The following CTNND2 variants were observed in gnomAD, a reference collection of about 807,000 sequenced individuals.
CTNND2 encodes catenin delta 2, also known as catenin delta-2.
Under a neutral mutation model 144.4 loss-of-function variants are expected in CTNND2, and 22 were observed. The ratio of observed to expected loss-of-function variants is 0.15; its 90% CI spans 0.11 to 0.22. The LOEUF (loss-of-function observed/expected upper bound fraction) is 0.22, where lower values mean the gene tolerates loss of function less well. CTNND2 is among the 10% of genes least tolerant of loss of function. The pLI is 1.00. For missense variants in CTNND2, 1,353 were observed against 1,618.8 expected (o/e 0.84, Z 2.82); for synonymous variants, 751 against 695.6 (o/e 1.08, Z -1.25).
intron 1 of CTNND2, among the ~76,000 whole-genome samples, chr5:11,900,418 TC>T (rs1260370134): frequency 1.3e-5 from 2 of 152,228 alleles, no homozygotes; most frequent in African/African-American, 4.8e-5. Context: ...TTCTGTGAGT[TC>T]CCTGTGTTGG....
chr5:11,737,657 C>CAT (rs2126755945), intron 1 of CTNND2, among the ~76,000 whole-genome samples: 1 of 152,292 alleles, frequency 6.6e-6, no homozygotes. Context: ...TCCCCAAATT[C>CAT]ATATGCTGAA....
intron 9 of CTNND2, among the ~76,000 whole-genome samples, chr5:11,282,679 CAATT>C (rs1273900156): frequency 6.6e-6 from 1 of 152,144 alleles, no homozygotes; most frequent in Non-Finnish European, 1.5e-5. Flanking sequence ...TTTTTTGAAT[CAATT>C]AATTCTGATA....
At chr5:11,576,084 G>C (rs1307030784) in intron 2 of CTNND2, among the ~76,000 whole-genome samples, 3 of 152,182 alleles carry the variant, frequency 2.0e-5, no homozygotes, top group Middle Eastern at 6.8e-3. Flanking sequence ...TCTAGACTCT[G>C]TCCTCTCCAG....
At chr5:11,674,224 T>C (rs1279771647) in intron 2 of CTNND2, among the ~76,000 whole-genome samples, 6 of 152,316 alleles carry the variant, frequency 3.9e-5, no homozygotes, top group Middle Eastern at 3.4e-3. Flanking sequence ...AAATAATCCA[T>C]TGGCTTTCAA....
At chr5:11,687,222 T>C (rs1279212402) in intron 2 of CTNND2, among the ~76,000 whole-genome samples, 2 of 152,244 alleles carry the variant, frequency 1.3e-5, no homozygotes, top group African/African-American at 4.8e-5. Context: ...GGTCTGATCA[T>C]GTCATACAAT....
chr5:11,008,123 A>G (rs1421679493), intron 18 of CTNND2, among the ~76,000 whole-genome samples: 2 of 152,174 alleles, frequency 1.3e-5, no homozygotes, highest in East Asian at 3.8e-4. Flanking sequence ...CAGGCGTTAT[A>G]TCAGACTTTG....
chr5:11,076,970 T>C (rs943141430), intron 16 of CTNND2, among the ~76,000 whole-genome samples: 11 of 152,204 alleles, frequency 7.2e-5, no homozygotes, highest in African/African-American at 2.7e-4. Context: ...CTAGTAAATT[T>C]ATAGAGAAAA....
chr5:11,160,447 G>A (rs1385725309), intron 11 of CTNND2, among the ~76,000 whole-genome samples: 1 of 152,198 alleles, frequency 6.6e-6, no homozygotes, highest in Non-Finnish European at 1.5e-5. Flanking sequence ...GCAGAGCAAT[G>A]CAAAATGTTA....
chr5:11,029,301 AG>A (rs1239925722), intron 16 of CTNND2, among the ~76,000 whole-genome samples: 1 of 152,198 alleles, frequency 6.6e-6, no homozygotes, highest in East Asian at 1.9e-4. Flanking sequence ...ACTCATAAAA[AG>A]GGTCTTATTT....
rs569790602 is a variant in CTNND2, at chr5:11,272,092, C to T, written c.1629-35269G>A. On this transcript the variant is annotated intron_variant, in intron 9 of 21. Coordinates refer to ENST00000304623, the MANE Select transcript of CTNND2 (RefSeq NM_001332.4). ...TCCATGTTTCTAAAAAAATACAGTC[C>T]ATTATTTCTTAAAATACCAATTCCT... 8.6e-5 allele frequency among the ~76,000 whole-genome samples: 13 copies of T among 152,020 alleles called. No homozygotes were observed. The South Asian group carries it at 2.5e-3, about 29-fold the overall frequency.
chr5:11,204,863 G>A (rs1000242223), intron 10 of CTNND2, among the ~76,000 whole-genome samples: 8 of 152,244 alleles, frequency 5.3e-5, no homozygotes, highest in Non-Finnish European at 8.8e-5. Flanking sequence ...GTGAGACCCC[G>A]AGGGCGTGGC....
At chr5:11,454,230 G>C (rs1053913697) in intron 3 of CTNND2, among the ~76,000 whole-genome samples, 1 of 152,086 alleles carries the variant, frequency 6.6e-6, no homozygotes, top group African/African-American at 2.4e-5. Flanking sequence ...GACCATCCTG[G>C]CCAACATGGT....
At chr5:11,466,322 A>G (rs1022313919) in intron 3 of CTNND2, among the ~76,000 whole-genome samples, 1 of 152,316 alleles carries the variant, frequency 6.6e-6, no homozygotes, top group Admixed American at 6.5e-5. Flanking sequence ...CATTCACCTA[A>G]AAGGTAGCTC....
rs1335206872 is a variant in CTNND2, at chr5:11,403,870, GC to G, written c.440-6668del. Among the ~76,000 whole-genome samples, 9 of 152,264 alleles carry G rather than the reference GC, an allele frequency of 5.9e-5. No individual in the cohort carries two copies. The South Asian group carries it at 1.9e-3, about 32-fold the overall frequency. On this transcript the variant is annotated intron_variant, in intron 5 of 21. Transcript: ENST00000304623. The stretch of plus-strand genomic sequence containing the variant: ...TTGATTTGTGACACATCACACATTT[GC>G]CCCCCGTTGATCTGCATGGCTTGCT...
At chr5:11,360,111 C>T (rs989601701) in intron 8 of CTNND2, among the ~76,000 whole-genome samples, 1 of 151,900 alleles carries the variant, frequency 6.6e-6, no homozygotes, top group Admixed American at 6.6e-5. Flanking sequence ...AGTTGGTACC[C>T]AAGATTTAAA....
chr5:11,090,925 C>A (rs1284115643), intron 15 of CTNND2, among the ~76,000 whole-genome samples: 1 of 151,862 alleles, frequency 6.6e-6, no homozygotes, highest in Non-Finnish European at 1.5e-5. Flanking sequence ...CCTCTGGATG[C>A]TTTGAAGATT....
intron 1 of CTNND2, among the ~76,000 whole-genome samples, chr5:11,734,831 G>C (rs1787589932): frequency 6.6e-6 from 1 of 152,066 alleles, no homozygotes; most frequent in African/African-American, 2.4e-5. Context: ...TATATGTTAA[G>C]GAAAGCAGTC....
chr5:11,677,605 A>T (rs922451316), intron 2 of CTNND2, among the ~76,000 whole-genome samples: 1 of 152,186 alleles, frequency 6.6e-6, no homozygotes, highest in East Asian at 1.9e-4. Context: ...TAAAACACTG[A>T]TAGATAATAA....
chr5:11,162,087 G>C (rs1014223017), intron 11 of CTNND2, among the ~76,000 whole-genome samples: 2 of 151,888 alleles, frequency 1.3e-5, no homozygotes, highest in East Asian at 1.9e-4. Flanking sequence ...GAGTGGGGGG[G>C]GGTTGCAGTG....
Sources: allele counts gnomAD v4.1 joint callset (sites outside exome capture counted in the v4.1 genomes callset), GRCh38; gene constraint gnomAD v4.1.1; transcripts MANE v1.5; gene names NCBI Gene and HGNC (gene_info 2026-07-23, HGNC 2026-07-21).